MIGA1: variants seen among roughly 807,000 people sequenced by gnomAD.
MIGA1 encodes the protein mitoguardin 1.
In MIGA1, 58 loss-of-function variants were observed where a neutral mutation model predicts 82.0. The observed-to-expected ratio is 0.71, with a 90% CI of 0.57 to 0.88. The LOEUF (loss-of-function observed/expected upper bound fraction) is 0.88, where lower values mean the gene tolerates loss of function less well. Ranked by LOEUF, MIGA1 falls within the 40% of genes least tolerant of loss-of-function variation. MIGA1 has a pLI of 0.00. For missense variants in MIGA1, 751 were observed against 749.1 expected, an observed-to-expected ratio of 1.00 and a Z score of -0.03; for synonymous variants, 249 against 253.6, an observed-to-expected ratio of 0.98 and a Z score of 0.17.
intron 2 of MIGA1, among the ~76,000 whole-genome samples, chr1:77,785,984 A>G (rs1442948301): frequency 2.0e-5 from 3 of 152,204 alleles, no homozygotes; most frequent in African/African-American, 4.8e-5. Context: ...GAGGTTCTCC[A>G]TGAGGGCCCA....
chr1:77,822,271 G>T (rs1248769734), intron 7 of MIGA1, among the ~76,000 whole-genome samples: 3 of 152,054 alleles, frequency 2.0e-5, no homozygotes, highest in Admixed American at 2.0e-4. Flanking sequence ...ATTATAAAGA[G>T]ACCATGGGGC....
At chr1:77,843,259 A>G (rs1244490337) in intron 7 of MIGA1, 48 bp from the exon 8 acceptor site, 1 of 1,322,988 alleles carries the variant, frequency 7.6e-7, no homozygotes, top group African/African-American at 1.4e-5. Context: ...GAAATACCAC[A>G]ATGATGTGGA....
At chr1:77,869,778 G>C (rs1393719778) in intron 14 of MIGA1, among the ~76,000 whole-genome samples, 50 of 110,446 alleles carry the variant, frequency 4.5e-4, no homozygotes, top group African/African-American at 1.9e-3. Flanking sequence ...CGGCTGGCCG[G>C]GCAGAGGGGC....
chr1:77,832,676 T>C (rs1301897597), intron 7 of MIGA1, among the ~76,000 whole-genome samples: 1 of 152,206 alleles, frequency 6.6e-6, no homozygotes, highest in Non-Finnish European at 1.5e-5. Context: ...TTCTTTGATA[T>C]GTTTTGGAAA....
At position 77,824,927 on chromosome 1, in the gene MIGA1, G is replaced by A. The variant is rs531871861; in HGVS notation, c.895+9696G>A. ...GTCATTATTGCATGCATTTCTAAGT[G>A]CTAGTGCACCAAGAGTTTAATACAG... On this transcript the variant is annotated intron_variant, in intron 7 of 15. Transcript: ENST00000370791. Among the ~76,000 whole-genome samples the A allele has an allele frequency of 8.0e-5, 12 of 149,902 alleles. No individual in the cohort carries two copies. In the South Asian group the frequency reaches 2.5e-3, roughly 31 times the overall value.
At chr1:77,872,677 A>G (rs1002909950) in intron 14 of MIGA1, among the ~76,000 whole-genome samples, 3 of 152,224 alleles carry the variant, frequency 2.0e-5, no homozygotes, top group African/African-American at 7.2e-5. Flanking sequence ...ATCTACATAA[A>G]ACATTCTATG....
At chr1:77,870,357 A>G (rs1184084100) in intron 14 of MIGA1, among the ~76,000 whole-genome samples, 32 of 109,126 alleles carry the variant, frequency 2.9e-4, no homozygotes, top group Non-Finnish European at 3.8e-4. Flanking sequence ...GGGTTTCCTC[A>G]CTTCTCAGAC....
At chr1:77,863,371 G>C (rs1685543616) in intron 12 of MIGA1, among the ~76,000 whole-genome samples, 2 of 152,140 alleles carry the variant, frequency 1.3e-5, no homozygotes, top group Non-Finnish European at 2.9e-5. Context: ...AAATGATACA[G>C]CACACTATAC....
chr1:77,818,353 C>A (rs1357855053), intron 7 of MIGA1, among the ~76,000 whole-genome samples: 2 of 151,898 alleles, frequency 1.3e-5, no homozygotes, highest in Admixed American at 6.6e-5. Flanking sequence ...GAACTCCTGA[C>A]CTCAGGCGAT....
At chr1:77,811,233 C>T (rs1252981143) in intron 5 of MIGA1, 9 of 1,562,400 alleles carry the variant, frequency 5.8e-6, no homozygotes, top group Admixed American at 3.3e-5. Flanking sequence ...GATCGATGCA[C>T]TGCCCAGCAT....
intron 2 of MIGA1, among the ~76,000 whole-genome samples, chr1:77,797,332 T>A (rs1682697671): frequency 6.6e-6 from 1 of 152,238 alleles, no homozygotes; most frequent in South Asian, 2.1e-4. Flanking sequence ...TGTTTGTGTG[T>A]GTTTCTTGCA....
chr1:77,812,992 T>C (rs1179204473), intron 5 of MIGA1, among the ~76,000 whole-genome samples: 4 of 152,110 alleles, frequency 2.6e-5, no homozygotes, highest in Admixed American at 2.6e-4. Flanking sequence ...TTTACTTTCT[T>C]TTTTTTGAGA....
Position 77,796,067 on chromosome 1 carries a change from A to G in MIGA1, c.196-5264A>G, listed in dbSNP as rs376231087. 9.9e-5 allele frequency among the ~76,000 whole-genome samples: 15 copies of G among 152,210 alleles called. No individual in the cohort carries two copies. In the East Asian group the frequency reaches 1.9e-3, roughly 20 times the overall value. Reference sequence around the variant, plus strand: ...ACTTATTATAATATCTAGTGTACACATAAAGAAATTTCAGAATTTGCACCC... The same window carrying G: ...ACTTATTATAATATCTAGTGTACACGTAAAGAAATTTCAGAATTTGCACCC... On this transcript the variant is annotated intron_variant, in intron 2 of 15. Transcript: ENST00000370791.
At chr1:77,867,928 T>C (rs1685737820) in intron 14 of MIGA1, among the ~76,000 whole-genome samples, 1 of 19,506 alleles carries the variant, frequency 5.1e-5, no homozygotes, top group Admixed American at 6.9e-4. Context: ...GTTTCCTTAA[T>C]GATGATGATG....
intron 7 of MIGA1, among the ~76,000 whole-genome samples, chr1:77,839,845 T>G (rs1181819653): frequency 6.6e-6 from 1 of 152,164 alleles, no homozygotes; most frequent in African/African-American, 2.4e-5. Flanking sequence ...CAGACTCAAG[T>G]GATCCTCCCA....
chr1:77,808,348 C>T (rs1266726057), intron 5 of MIGA1, among the ~76,000 whole-genome samples: 5 of 151,992 alleles, frequency 3.3e-5, no homozygotes, highest in Non-Finnish European at 7.4e-5. Context: ...GTAACATTTA[C>T]ATGTTCTAGG....
At chr1:77,815,499 T>TA (rs1434322164) in intron 7 of MIGA1, among the ~76,000 whole-genome samples, 1 of 152,114 alleles carries the variant, frequency 6.6e-6, no homozygotes, top group African/African-American at 2.4e-5. Flanking sequence ...AAAATCTAGT[T>TA]AAGAGTGTTG....
intron 4 of MIGA1, among the ~76,000 whole-genome samples, chr1:77,804,753 C>A (rs1007855753): frequency 6.6e-6 from 1 of 151,916 alleles, no homozygotes; most frequent in African/African-American, 2.4e-5. Flanking sequence ...CCTCAACCTC[C>A]CAAGTAGCTG....
intron 4 of MIGA1, among the ~76,000 whole-genome samples, chr1:77,804,342 T>A (rs1683003780): frequency 6.6e-6 from 1 of 152,190 alleles, no homozygotes; most frequent in Non-Finnish European, 1.5e-5. Context: ...TAGTATTTGT[T>A]TAAATCTAAT....
Sources: allele counts gnomAD v4.1 joint callset (sites outside exome capture counted in the v4.1 genomes callset), GRCh38; gene constraint gnomAD v4.1.1; transcripts MANE v1.5; gene names NCBI Gene and HGNC (gene_info 2026-07-23, HGNC 2026-07-21).